The following ACP2 variants were observed in gnomAD, a reference collection of about 807,000 sequenced individuals.
The protein encoded by ACP2 is acid phosphatase 2, lysosomal, also known as lysosomal acid phosphatase.
In ACP2, 35 loss-of-function variants were observed where a neutral mutation model predicts 54.7. The ratio of observed to expected loss-of-function variants is 0.64; its 90% confidence interval spans 0.49 to 0.85. The LOEUF (loss-of-function observed/expected upper bound fraction) is 0.85. ACP2 is among the 40% of genes least tolerant of loss of function. The pLI is 0.00. For missense variants in ACP2, 492 were observed against 565.0 expected, an observed-to-expected ratio of 0.87 and a Z score of 1.31; for synonymous variants, 210 against 224.4, an observed-to-expected ratio of 0.94 and a Z score of 0.57.
In ACP2 at chr11:47,240,736, G is replaced by T. The variant is rs190692947; in HGVS notation, c.1139-487C>A. 2.8e-3 allele frequency among the ~76,000 whole-genome samples: 430 copies of T among 151,826 alleles called. 7 individuals are homozygous for T. Among genetic ancestry groups the T allele is most frequent in the African/African-American group, 0.01 (417 of 41,394 alleles). On this transcript the variant is annotated intron_variant, in intron 10 of 10. Transcript: ENST00000672073. The stretch of plus-strand genomic sequence containing the variant: ...CTCGGGAGGCTGAGGCAGGAGAATT[G>T]CTTGAACCTGGGAGACAGAGGTTGC...
Position 47,244,798 on chromosome 11 carries a change from C to G in ACP2, c.709G>C (p.Asp237His), listed in dbSNP as rs1207534815. ...CCGAAGAGGAAGCGGAAGCTGAAGTCCTTTAGCCGGCTGAGACGCTGCATG... is the reference window on the plus strand; with the variant it reads ...CCGAAGAGGAAGCGGAAGCTGAAGTGCTTTAGCCGGCTGAGACGCTGCATG... ...QTMQRLSRLKDFSFRFLFGIY... is the reference protein window; with the variant it reads ...QTMQRLSRLKHFSFRFLFGIY... Residue 237 changes from aspartate to histidine, a missense_variant, in exon 7 of 11, where the codon GAC (aspartate) becomes CAC (histidine). Asp to His is a moderately conservative substitution (Grantham distance 81, BLOSUM62 -1). Coordinates refer to ENST00000672073, the MANE Select transcript of ACP2 (RefSeq NM_001610.4). 1.2e-6 allele frequency: 2 copies of G among 1,613,080 alleles called. No individual in the cohort carries two copies. The highest frequency in any genetic ancestry group is 1.7e-6 in the Non-Finnish European group (2 of 1,179,330).
chr11:47,245,213 G>A, intron 6 of ACP2, 92 bp downstream of exon 6: 1 of 1,373,082 alleles, frequency 7.3e-7, no homozygotes, highest in Non-Finnish European at 1.0e-6. Flanking sequence ...CCAGGGGCGT[G>A]ACGGTATCAG....
intron 6 of ACP2, chr11:47,245,069 C>T (rs1461768053): frequency 8.5e-6 from 9 of 1,058,378 alleles, no homozygotes; most frequent in Non-Finnish European, 9.6e-6. Flanking sequence ...AAAAGTGAGA[C>T]TCAGCAGAAA....
Position 47,242,759 on chromosome 11 carries a change from G to C in ACP2, c.1102C>G (p.Gln368Glu), listed in dbSNP as rs748687137. The change falls in exon 10 of 11, where the codon CAG (glutamine) becomes GAG (glutamate). Residue 368 changes from glutamine to glutamate, a missense_variant. By Grantham distance (29) the Gln-to-Glu change is conservative. Transcript: ENST00000672073. ...GGACCGCTTGCCAGCTGGCACTCCTGCTGCCAATCCTTGGGCACGACGGGC... is the reference window on the plus strand; with the variant it reads ...GGACCGCTTGCCAGCTGGCACTCCTCCTGCCAATCCTTGGGCACGACGGGC... ...TEPVVPKDWQ[Q>E]ECQLASGPAD... is the part of the protein sequence containing the mutation. 3.1e-6 allele frequency: 5 copies of C among 1,614,076 alleles called. No homozygotes were observed. Among genetic ancestry groups the C allele is most frequent in the Non-Finnish European group, 4.2e-6 (5 of 1,179,948 alleles).
At chr11:47,247,529 CA>C (rs1339111457) in intron 3 of ACP2, 111 bp downstream of exon 3, 3 of 1,265,642 alleles carry the variant, frequency 2.4e-6, no homozygotes, top group Non-Finnish European at 1.2e-6. Context: ...TAGTTGTGAC[CA>C]AAAATACAAG....
At chr11:47,248,264 C>T (rs1450668100) in intron 1 of ACP2, 131 bp from the exon 2 acceptor site, 2 of 1,068,992 alleles carry the variant, frequency 1.9e-6, no homozygotes, top group East Asian at 5.0e-5. Context: ...GCAAAAGACC[C>T]CAGCTAGGAG....
chr11:47,247,459 A>G (rs1954195597), intron 3 of ACP2, 182 bp downstream of exon 3: 2 of 687,310 alleles, frequency 2.9e-6, no homozygotes, highest in Admixed American at 5.7e-5. Flanking sequence ...ATCCCAGCCA[A>G]GCAGGGGCAA....
At chr11:47,248,402 A>C (rs1954301229) in intron 1 of ACP2, 4 of 1,521,598 alleles carry the variant, frequency 2.6e-6, no homozygotes, top group African/African-American at 1.4e-5. Flanking sequence ...GGTGGGGACA[A>C]CTGGGGAAAA....
rs1953996226 is a variant in ACP2 at position 47,244,781 on chromosome 11, G to C, written c.726C>G (p.Phe242Leu). The change falls in exon 7 of 11, where the codon TTC (phenylalanine) becomes TTG (leucine). Residue 242 changes from phenylalanine to leucine, a missense_variant. Physicochemically the swap from Phe to Leu is conservative, Grantham distance 22. Transcript: ENST00000672073. ...CCGCCTGCTGGTAGATTCCGAAGAGGAAGCGGAAGCTGAAGTCCTTTAGCC... is the reference window on the plus strand; with the variant it reads ...CCGCCTGCTGGTAGATTCCGAAGAGCAAGCGGAAGCTGAAGTCCTTTAGCC... ...LSRLKDFSFRFLFGIYQQAEK... is the reference protein window; with the variant it reads ...LSRLKDFSFRLLFGIYQQAEK... The C allele has an allele frequency of 6.2e-7, 1 of 1,613,046 alleles. No homozygotes were observed. Among genetic ancestry groups the C allele is most frequent in the African/African-American group, 1.3e-5 (1 of 75,060 alleles).
In ACP2 at chr11:47,240,291, C is replaced by T. The variant is rs180850226; in HGVS notation, c.1139-42G>A. 9.3e-6 allele frequency: 9 copies of T among 967,912 alleles called. No homozygotes were observed. The East Asian group carries it at 9.5e-5, about 10-fold the overall frequency. The allele number at this position is 967,912 out of a possible 1,614,324, so 60.0% of individuals were successfully genotyped here. The stretch of plus-strand genomic sequence containing the variant: ...CAAGAGAAAGGTCATGTCAGCGTTC[C>T]ATCATATGCCAGCTACTGTTCTGAC... On this transcript the variant is annotated intron_variant, in intron 10 of 10. Coordinates refer to ENST00000672073, the MANE Select transcript of ACP2 (RefSeq NM_001610.4).
intron 7 of ACP2, 118 bp downstream of exon 7, chr11:47,244,617 T>G (rs1591015449): frequency 1.3e-6 from 1 of 745,762 alleles, no homozygotes; most frequent in African/African-American, 1.8e-5. Context: ...GGGGATTTGG[T>G]TTTGAAAGAG....
Position 47,244,867 on chromosome 11 carries a change from G to GCTGTGT in ACP2, c.640-6_640-1dup (p.Glu213_Gln214insThrGln). 6.2e-7 allele frequency: 1 copy of GCTGTGT among 1,601,352 alleles called. No homozygotes were observed. On this transcript the variant is annotated inframe_insertion and splice_region_variant. Transcript: ENST00000672073. ...GGCGGCAGGCGCAGCCCGTGCGTTT[G>GCTGTGT]CTGTGTATCGCAGCAGGCAGGTTAG... is the stretch of plus-strand genomic sequence containing the variant.
chr11:47,240,536 T>G (rs993228957), intron 10 of ACP2, among the ~76,000 whole-genome samples: 2 of 151,514 alleles, frequency 1.3e-5, no homozygotes, highest in Admixed American at 1.3e-4. Flanking sequence ...CTAAATAAAG[T>G]TGGCCGTGCG....
Position 47,245,429 on chromosome 11 carries a change from TG to T in ACP2, c.550-36del, listed in dbSNP as rs751006145. ...ATGGATCAGGGTCTCAGTCCTGCTC[TG>T]GGGAAAAGACAGCGTGGTGAGCTGC... is the stretch of plus-strand genomic sequence containing the variant. On this transcript the variant is annotated intron_variant, in intron 5 of 10. Transcript: ENST00000672073. 77 of 1,614,110 alleles carry T rather than the reference TG, an allele frequency of 4.8e-5. No individual in the cohort carries two copies. The African/African-American group carries it at 8.7e-4, about 18-fold the overall frequency.
chr11:47,248,716 A>T lies in ACP2; in HGVS notation c.74T>A (p.Met25Lys), dbSNP rs746780641. 3 of 1,612,046 alleles carry T rather than the reference A, an allele frequency of 1.9e-6. No individual in the cohort carries two copies. The Middle Eastern group carries it at 5.0e-4, about 266-fold the overall frequency. Residue 25 changes from methionine to lysine, a missense_variant, in exon 1 of 11, where the codon ATG becomes AAG. Met to Lys is a moderately conservative substitution (Grantham distance 95, BLOSUM62 -1). Transcript: ENST00000672073. ...QLLLGVNLVV[M>K]PPTRARSLRF... ...CAGACTCCGGGCCCGGGTGGGCGGC[A>T]TCACCACCAGGTTCACGCCGAGAAG...
intron 10 of ACP2, 146 bp downstream of exon 10, chr11:47,242,577 G>T (rs986515184): frequency 1.5e-5 from 13 of 846,070 alleles, no homozygotes; most frequent in Non-Finnish European, 2.4e-5. Flanking sequence ...GAAGTGGGGA[G>T]AAGGTATAAA....
chr11:47,242,013 T>G (rs557495767), intron 10 of ACP2, among the ~76,000 whole-genome samples: 7 of 152,128 alleles, frequency 4.6e-5, no homozygotes, highest in Non-Finnish European at 5.9e-5. Context: ...TGTGCACAGA[T>G]GGGGAAAGCT....
intron 1 of ACP2, chr11:47,248,475 G>A (rs1459937298): frequency 6.5e-7 from 1 of 1,548,310 alleles, no homozygotes; most frequent in Admixed American, 2.0e-5. Context: ...CTGTCTCAAG[G>A]CAGACTCACC....
Position 47,243,041 on chromosome 11 carries a change from A to C in ACP2, c.939T>G (p.Phe313Leu), listed in dbSNP as rs1953933279. The C allele has an allele frequency of 1.9e-6, 3 of 1,614,122 alleles. No individual in the cohort carries two copies. In the South Asian group the frequency reaches 3.3e-5, roughly 18 times the overall value. Reference sequence around the variant, plus strand: ...ACCCAGAATCTTCCTGGTACAGTTCAAATATGTGGCAGGAGGCGTAGGGGG... The same window carrying C: ...ACCCAGAATCTTCCTGGTACAGTTCCAATATGTGGCAGGAGGCGTAGGGGG... Reference protein sequence around the residue: ...EQAPYASCHIFELYQEDSGNF... With the variant: ...EQAPYASCHILELYQEDSGNF... The change falls in exon 9 of 11, where the codon TTT becomes TTG. Residue 313 changes from phenylalanine to leucine, a missense_variant. Physicochemically the swap from Phe to Leu is conservative, Grantham distance 22. Transcript: ENST00000672073.
Sources: allele counts gnomAD v4.1 joint callset (sites outside exome capture counted in the v4.1 genomes callset), GRCh38; gene constraint gnomAD v4.1.1; transcripts MANE v1.5; gene names NCBI Gene and HGNC (gene_info 2026-07-23, HGNC 2026-07-21).